Variants in ECPAS observed in about 807,000 individuals in gnomAD.
ECPAS encodes proteasome adapter and scaffold protein ECM29.
ECPAS carries 70 observed loss-of-function variants against 255.1 expected under a neutral mutation model. The ratio of observed to expected loss-of-function variants is 0.27; its 90% confidence interval spans 0.23 to 0.33. The LOEUF is 0.33. Ranked by LOEUF, ECPAS falls within the 10% of genes least tolerant of loss-of-function variation. ECPAS has a pLI of 1.00. For missense variants in ECPAS, 1,817 were observed against 2,206.4 expected (o/e 0.82, Z 3.54); for synonymous variants, 784 against 775.0 (o/e 1.01, Z -0.19).
At chr9:111,376,817 G>T (rs1474630616) in intron 36 of ECPAS, among the ~76,000 whole-genome samples, 1 of 152,166 alleles carries the variant, frequency 6.6e-6, no homozygotes, top group Non-Finnish European at 1.5e-5. Context: ...CAGCCTTCTT[G>T]AGCCTGAGGT....
intron 24 of ECPAS, among the ~76,000 whole-genome samples, chr9:111,406,026 T>C (rs1158668404): frequency 6.7e-6 from 1 of 149,768 alleles, no homozygotes; most frequent in Admixed American, 6.6e-5. Context: ...TGAGTATATA[T>C]CCAGAAGAAA....
intron 2 of ECPAS, among the ~76,000 whole-genome samples, chr9:111,471,935 TCTACCAAAAAAAAAA>T (rs2098288802): frequency 6.6e-6 from 1 of 151,568 alleles, no homozygotes; most frequent in Non-Finnish European, 1.5e-5. Context: ...AGACTCTGTC[TCTACCAAAAAAAAAA>T]ATTAGCCAGG....
At chr9:111,468,461 G>A (rs2098282126) in intron 2 of ECPAS, among the ~76,000 whole-genome samples, 1 of 152,102 alleles carries the variant, frequency 6.6e-6, no homozygotes, top group South Asian at 2.1e-4. Flanking sequence ...TGTATACGAC[G>A]TGACTCCAAA....
intron 37 of ECPAS, among the ~76,000 whole-genome samples, 177 bp downstream of exon 37, chr9:111,376,299 T>G (rs2098133299): frequency 6.6e-6 from 1 of 152,200 alleles, no homozygotes; most frequent in Non-Finnish European, 1.5e-5. Flanking sequence ...GGGGAATTAT[T>G]TATTCCACTT....
chr9:111,428,157 G>A lies in ECPAS; in HGVS notation c.935C>T (p.Ala312Val). Residue 312 changes from alanine (A) to valine (V), a missense_variant, in exon 10 of 50, where the codon GCA (alanine) becomes GTA (valine). Coordinates refer to ENST00000684092, the MANE Select transcript of ECPAS (RefSeq NM_001364929.1). ...GDIPLKTKEG[A>V]VLKPELKRDP... Reference sequence around the variant, plus strand: ...CCTTTTCAACTCTGGCTTCAGAACTGCACCCTGTTGAAAATATGCTTGATT... The same window carrying A: ...CCTTTTCAACTCTGGCTTCAGAACTACACCCTGTTGAAAATATGCTTGATT... The A allele has an allele frequency of 6.2e-7, 1 of 1,606,536 alleles. No homozygotes were observed. The highest frequency in any genetic ancestry group is 8.5e-7 in the Non-Finnish European group (1 of 1,177,048).
chr9:111,393,877 G>T, intron 26 of ECPAS, 143 bp from the exon 27 acceptor site: 1 of 698,994 alleles, frequency 1.4e-6, no homozygotes, highest in Non-Finnish European at 2.4e-6. Context: ...TTTACAGGTG[G>T]CCCAAATCAC....
chr9:111,395,546 T>C (rs1191990204), intron 25 of ECPAS, among the ~76,000 whole-genome samples: 2 of 152,126 alleles, frequency 1.3e-5, no homozygotes, highest in African/African-American at 4.8e-5. Flanking sequence ...GGAGATTCCT[T>C]TGCATGAGTA....
intron 16 of ECPAS, among the ~76,000 whole-genome samples, chr9:111,418,238 A>G (rs1318935675): frequency 6.6e-6 from 1 of 152,218 alleles, no homozygotes; most frequent in African/African-American, 2.4e-5. Flanking sequence ...AATTTGACTC[A>G]CATTAAAAAA....
At position 111,442,302 on chromosome 9, in the gene ECPAS, A is replaced by C; in HGVS notation, c.389+4T>G. The C allele has an allele frequency of 1.9e-6, 3 of 1,573,258 alleles. No individual in the cohort carries two copies. The highest frequency in any genetic ancestry group is 2.6e-6 in the Non-Finnish European group (3 of 1,148,614). On this transcript the variant is annotated splice_donor_region_variant and intron_variant, in intron 5 of 49. Transcript: ENST00000684092. ...GGGAAATTAGTTAATTGAGGAAATCATACCTATCCTGCTGTGGCTGAGGCT... is the reference window on the plus strand; with the variant it reads ...GGGAAATTAGTTAATTGAGGAAATCCTACCTATCCTGCTGTGGCTGAGGCT...
intron 30 of ECPAS, 35 bp from the exon 31 acceptor site, chr9:111,389,758 CATT>C: frequency 6.4e-7 from 1 of 1,564,018 alleles, no homozygotes; most frequent in Admixed American, 1.9e-5. Flanking sequence ...TCAGATGCAC[CATT>C]ATAGTAAAAT....
chr9:111,414,028 A>C, intron 19 of ECPAS, 42 bp from the exon 20 acceptor site: 1 of 1,358,232 alleles, frequency 7.4e-7, no homozygotes, highest in Non-Finnish European at 1.0e-6. Flanking sequence ...CAAGAAAAGT[A>C]ATGAACATAC....
chr9:111,477,356 C>T (rs1365538200), intron 1 of ECPAS, among the ~76,000 whole-genome samples: 4 of 152,080 alleles, frequency 2.6e-5, no homozygotes, highest in Admixed American at 2.0e-4. Context: ...AACTTATCCC[C>T]CAGCCTCGGC....
rs1017397149 is a variant in ECPAS, at chr9:111,483,580, G to A, written c.-83+536C>T. The A allele has an allele frequency of 6.4e-5, 40 of 626,364 alleles. 1 individual carries two copies. The African/African-American group carries it at 7.3e-4, about 11-fold the overall frequency. The allele number at this position is 626,364 out of a possible 1,614,324, so 38.8% of individuals were successfully genotyped here. A position where few individuals can be genotyped will look rare whatever the true frequency, so the allele number is the denominator to read the frequency against. On this transcript the variant is annotated intron_variant, in intron 1 of 49. Transcript: ENST00000684092. The stretch of plus-strand genomic sequence containing the variant: ...GAGGGAACGAGGGAGGGGCTGGGGG[G>A]GCAGGGCGCGGCCGGGGGGCTCGCG...
At chr9:111,444,001 T>TG (rs1227737646) in intron 4 of ECPAS, among the ~76,000 whole-genome samples, 3 of 148,288 alleles carry the variant, frequency 2.0e-5, no homozygotes, top group African/African-American at 7.6e-5. Context: ...GCCATTTTAC[T>TG]AATTTTTTCT....
intron 2 of ECPAS, among the ~76,000 whole-genome samples, chr9:111,469,606 C>CGAGACCACCCTGGTTAACACAGT (rs2098284126): frequency 6.6e-6 from 1 of 151,742 alleles, no homozygotes; most frequent in Non-Finnish European, 1.5e-5. Context: ...GTCAGGAGAT[C>CGAGACCACCCTGGTTAACACAGT]GAGACCACCC....
At chr9:111,406,243 A>G (rs2098183732) in intron 24 of ECPAS, among the ~76,000 whole-genome samples, 1 of 149,758 alleles carries the variant, frequency 6.7e-6, no homozygotes, top group South Asian at 2.1e-4. Flanking sequence ...ACCGGAGGAC[A>G]TTATATTTAG....
In ECPAS at chr9:111,418,013, G is replaced by C; in HGVS notation, c.1560-7C>G. On this transcript the variant is annotated splice_region_variant and splice_polypyrimidine_tract_variant and intron_variant, in intron 16 of 49. Coordinates refer to ENST00000684092, the MANE Select transcript of ECPAS (RefSeq NM_001364929.1). ...TCCATGAACTTCTTCACGTCTTTCA[G>C]AAAAAGACAAATAAGAATAAAAAAT... 1 of 1,573,216 alleles carries C rather than the reference G, an allele frequency of 6.4e-7. No homozygotes were observed. Among genetic ancestry groups the C allele is most frequent in the Non-Finnish European group, 8.6e-7 (1 of 1,165,762 alleles).
intron 36 of ECPAS, among the ~76,000 whole-genome samples, chr9:111,378,059 T>A (rs1416556903): frequency 6.6e-6 from 1 of 152,020 alleles, no homozygotes; most frequent in Non-Finnish European, 1.5e-5. Context: ...GGCAGGAGAA[T>A]CGCTTGAACC....
chr9:111,469,765 C>T (rs998381072), intron 2 of ECPAS, among the ~76,000 whole-genome samples: 4 of 151,214 alleles, frequency 2.6e-5, no homozygotes, highest in African/African-American at 9.7e-5. Flanking sequence ...GCCGAGATCG[C>T]GCCACTGCAC....
Sources: gnomAD v4.1 joint callset for allele counts (sites outside exome capture counted in the v4.1 genomes callset) on GRCh38, gnomAD v4.1.1 for gene constraint, MANE v1.5 for transcripts, NCBI Gene and HGNC (gene_info 2026-07-23, HGNC 2026-07-21) for gene names.